The following SLC39A12 variants were observed in gnomAD, a reference collection of about 807,000 sequenced individuals.
SLC39A12 encodes the protein solute carrier family 39 member 12.
A neutral mutation model predicts 71.1 loss-of-function variants in SLC39A12; 63 were observed. The observed-to-expected ratio is 0.89, with a 90% confidence interval of 0.72 to 1.09. The LOEUF (loss-of-function observed/expected upper bound fraction) is 1.09. SLC39A12 is among the 50% of genes least tolerant of loss of function. The pLI is 0.00. For missense variants in SLC39A12, 892 were observed against 812.6 expected (o/e 1.10, Z -1.19); for synonymous variants, 351 against 301.3 (o/e 1.16, Z -1.71).
At chr10:17,993,322 T>G in intron 9 of SLC39A12, 31 bp downstream of exon 9, 1 of 1,349,646 alleles carries the variant, frequency 7.4e-7, no homozygotes, top group Non-Finnish European at 1.0e-6. Context: ...ATTCTACTGA[T>G]CTGATTACCT....
At chr10:17,989,492 G>A (rs907744437) in intron 7 of SLC39A12, among the ~76,000 whole-genome samples, 1 of 152,236 alleles carries the variant, frequency 6.6e-6, no homozygotes, top group African/African-American at 2.4e-5. Flanking sequence ...TCTCAGGTCA[G>A]CCTGAGTCTC....
intron 10 of SLC39A12, among the ~76,000 whole-genome samples, chr10:17,997,333 T>C (rs762809755): frequency 6.6e-6 from 1 of 152,234 alleles, no homozygotes; most frequent in African/African-American, 2.4e-5. Context: ...ATGTTTTAGA[T>C]ACATTAACTC....
intron 7 of SLC39A12, among the ~76,000 whole-genome samples, chr10:17,988,900 G>A (rs1434665698): frequency 1.3e-5 from 2 of 152,030 alleles, no homozygotes; most frequent in East Asian, 1.9e-4. Context: ...GTCTCTGGGT[G>A]CCTCATTATC....
At chr10:17,970,159 A>G (rs1834932144) in intron 4 of SLC39A12, among the ~76,000 whole-genome samples, 1 of 152,092 alleles carries the variant, frequency 6.6e-6, no homozygotes, top group Non-Finnish European at 1.5e-5. Context: ...GTCTGTTTTT[A>G]TGCCAGTACT....
chr10:18,011,265 T>A (rs1381084654), intron 12 of SLC39A12, among the ~76,000 whole-genome samples: 7 of 152,130 alleles, frequency 4.6e-5, no homozygotes, highest in African/African-American at 1.7e-4. Flanking sequence ...ATTTTTATGC[T>A]TTTAGTAGAG....
chr10:17,969,434 A>G (rs1014274032), intron 4 of SLC39A12, among the ~76,000 whole-genome samples: 9 of 152,106 alleles, frequency 5.9e-5, no homozygotes, highest in African/African-American at 2.2e-4. Context: ...CCTTTTCTCC[A>G]TATCCTTGCC....
intron 4 of SLC39A12, among the ~76,000 whole-genome samples, chr10:17,974,546 G>A (rs765158550): frequency 3.9e-5 from 6 of 152,186 alleles, no homozygotes; most frequent in Non-Finnish European, 7.3e-5. Flanking sequence ...ATCTGGTCCT[G>A]GACAAGATCC....
chr10:17,968,966 ATCCTTCTAT>A (rs1834901161), intron 4 of SLC39A12, among the ~76,000 whole-genome samples: 1 of 152,022 alleles, frequency 6.6e-6, no homozygotes, highest in South Asian at 2.1e-4. Context: ...TCTGGAAACC[ATCCTTCTAT>A]TCTCTATGTC....
chr10:17,964,856 T>C (rs1015685681), intron 3 of SLC39A12, among the ~76,000 whole-genome samples: 4 of 152,132 alleles, frequency 2.6e-5, no homozygotes, highest in African/African-American at 9.7e-5. Context: ...AACCCACCAG[T>C]TTTAAGGATG....
At chr10:17,970,947 A>G (rs1834957233) in intron 4 of SLC39A12, among the ~76,000 whole-genome samples, 1 of 152,102 alleles carries the variant, frequency 6.6e-6, no homozygotes, top group Non-Finnish European at 1.5e-5. Flanking sequence ...TCTAATATAT[A>G]TAGCTTTTAT....
chr10:18,034,302 C>T (rs1836934606), intron 12 of SLC39A12, among the ~76,000 whole-genome samples: 1 of 150,368 alleles, frequency 6.7e-6, no homozygotes, highest in African/African-American at 2.4e-5. Flanking sequence ...CTTTGTAGGT[C>T]ACTCAGGACT....
At chr10:17,959,785 T>C (rs962225764) in intron 2 of SLC39A12, among the ~76,000 whole-genome samples, 9 of 152,328 alleles carry the variant, frequency 5.9e-5, no homozygotes, top group East Asian at 1.9e-4. Flanking sequence ...GAATCCCTTA[T>C]GTCAAGTAAA....
chr10:17,967,569 GAAC>G (rs1386101407), intron 4 of SLC39A12, among the ~76,000 whole-genome samples: 1 of 152,080 alleles, frequency 6.6e-6, no homozygotes, highest in East Asian at 1.9e-4. Context: ...CTTCAAAACA[GAAC>G]AATTTGCTTT....
intron 10 of SLC39A12, among the ~76,000 whole-genome samples, chr10:17,999,624 G>T (rs1400984594): frequency 6.6e-6 from 1 of 152,114 alleles, no homozygotes; most frequent in African/African-American, 2.4e-5. Context: ...TATTTCATTG[G>T]CTCTCTCCTG....
At chr10:18,024,293 T>C (rs1460605277) in intron 12 of SLC39A12, among the ~76,000 whole-genome samples, 7 of 152,030 alleles carry the variant, frequency 4.6e-5, no homozygotes, top group Non-Finnish European at 2.9e-5. Context: ...CCCTTGGGGT[T>C]CCTCATGGGC....
chr10:18,036,768 A>T (rs1365384352), intron 12 of SLC39A12, among the ~76,000 whole-genome samples: 17 of 19,338 alleles, frequency 8.8e-4, no homozygotes, highest in South Asian at 1.5e-3. Context: ...ATATATATAT[A>T]TATATATATA....
intron 8 of SLC39A12, 66 bp downstream of exon 8, chr10:17,991,369 C>T: frequency 7.5e-7 from 1 of 1,341,432 alleles, no homozygotes; most frequent in East Asian, 2.5e-5. Context: ...TGTTCCTTCA[C>T]AAGTACTTGT....
At position 17,953,270 on chromosome 10, in the gene SLC39A12, C is replaced by A; in HGVS notation, c.-7C>A. ...CAAGACAGACTCAAGGTGGAGGAAG[C>A]GTGGAAATGTGCTTCCGGACAAAGC... On this transcript the variant is annotated 5_prime_UTR_variant, in exon 2 of 13. Coordinates refer to ENST00000377369, the MANE Select transcript of SLC39A12 (RefSeq NM_001145195.2). The A allele has an allele frequency of 6.2e-7, 1 of 1,612,998 alleles. No individual in the cohort carries two copies. The highest frequency in any genetic ancestry group is 8.5e-7 in the Non-Finnish European group (1 of 1,179,326).
intron 12 of SLC39A12, among the ~76,000 whole-genome samples, chr10:18,028,449 A>G (rs915368390): frequency 1.3e-5 from 2 of 152,184 alleles, no homozygotes; most frequent in Non-Finnish European, 2.9e-5. Context: ...ATGGAAGTGG[A>G]CAGTAAATGC....
Sources: gnomAD v4.1 joint callset for allele counts (sites outside exome capture counted in the v4.1 genomes callset) on GRCh38, gnomAD v4.1.1 for gene constraint, MANE v1.5 for transcripts, NCBI Gene and HGNC (gene_info 2026-07-23, HGNC 2026-07-21) for gene names.